KMT2E: variants seen among roughly 807,000 people sequenced by gnomAD.
KMT2E encodes lysine methyltransferase 2E (inactive), also known as histone reader KMT2E.
KMT2E carries 30 observed loss-of-function variants against 184.6 expected under a neutral mutation model. The ratio of observed to expected loss-of-function variants is 0.16; its 90% CI spans 0.12 to 0.22. The LOEUF (loss-of-function observed/expected upper bound fraction) is 0.22. KMT2E is among the 10% of genes least tolerant of loss of function. The pLI is 1.00. For synonymous variants in KMT2E, 815 were observed against 776.5 expected, an observed-to-expected ratio of 1.05 and a Z score of -0.82; for missense variants, 2,023 against 2,237.4, an observed-to-expected ratio of 0.90 and a Z score of 1.93.
At chr7:105,066,148 CT>C (rs754931238) in intron 5 of KMT2E, among the ~76,000 whole-genome samples, 105 of 152,114 alleles carry the variant, frequency 6.9e-4, no homozygotes, top group Non-Finnish European at 1.2e-3. Context: ...ACCAAAGCAC[CT>C]GTAAAAAATT....
chr7:105,045,876 T>C (rs969978887), intron 3 of KMT2E, among the ~76,000 whole-genome samples: 3 of 152,214 alleles, frequency 2.0e-5, no homozygotes, highest in Non-Finnish European at 2.9e-5. Flanking sequence ...TCGATCTCTT[T>C]TTTCCATCTG....
chr7:105,083,220 T>A (rs887507566), intron 13 of KMT2E, among the ~76,000 whole-genome samples: 2 of 152,224 alleles, frequency 1.3e-5, no homozygotes, highest in Non-Finnish European at 2.9e-5. Flanking sequence ...GATGGTATAA[T>A]CCTTCCAGAC....
chr7:105,015,389 G>T (rs1336702868), intron 1 of KMT2E, among the ~76,000 whole-genome samples: 1 of 152,134 alleles, frequency 6.6e-6, no homozygotes, highest in Non-Finnish European at 1.5e-5. Context: ...CGTCCTTGCT[G>T]GGCTCTGTCT....
rs1798983164 is a variant in KMT2E at position 105,107,889 on chromosome 7, G to A, written c.3432G>A (p.Gly1144=). 2.5e-6 allele frequency: 4 copies of A among 1,613,014 alleles called. No individual in the cohort carries two copies. The highest frequency in any genetic ancestry group is 1.3e-5 in the African/African-American group (1 of 74,654). The change falls in exon 22 of 27, where the codon GGG becomes GGA. Residue 1144 remains glycine (G), a synonymous_variant. Coordinates refer to ENST00000311117, the MANE Select transcript of KMT2E (RefSeq NM_182931.3). ...GRTVNDNLID[G]NCTPQNPPQK... ...CTGTTAATGACAATTTGATCGACGG[G>A]AATTGCACACCCCAGAATCCACCAC...
chr7:105,070,210 A>G (rs1166344152), intron 6 of KMT2E, among the ~76,000 whole-genome samples: 1 of 152,030 alleles, frequency 6.6e-6, no homozygotes, highest in East Asian at 1.9e-4. Context: ...GCCCAAGAGA[A>G]CAGCAGCTTG....
Position 105,088,500 on chromosome 7 carries a change from T to A in KMT2E, c.1359-1509T>A, listed in dbSNP as rs376095960. 3.3e-5 allele frequency among the ~76,000 whole-genome samples: 5 copies of A among 152,358 alleles called. No homozygotes were observed. In the East Asian group the frequency reaches 9.6e-4, roughly 29 times the overall value. ...TATTAGACACTTAATAAGTAAATTG[T>A]TCTTATTGTGAACAAACATTCAACT... On this transcript the variant is annotated intron_variant, in intron 13 of 26. Transcript: ENST00000311117.
In KMT2E at chr7:105,107,962, T is replaced by TG; in HGVS notation, c.3468+37_3468+38insG. The TG allele has an allele frequency of 3.5e-6, 4 of 1,136,080 alleles. No individual in the cohort carries two copies. The South Asian group carries it at 7.2e-5, about 21-fold the overall frequency. 70.4% of individuals were successfully genotyped at this position (1,136,080 alleles called of 1,614,324 possible). On this transcript the variant is annotated intron_variant, in intron 22 of 26. Coordinates refer to ENST00000311117, the MANE Select transcript of KMT2E (RefSeq NM_182931.3). ...AACAATTTATAGTCCTTTTAATAGTTTTTTTTTTTTTTTCATAATACTACT... is the reference window on the plus strand; with the variant it reads ...AACAATTTATAGTCCTTTTAATAGTTGTTTTTTTTTTTTTCATAATACTACT...
At chr7:105,043,337 T>C (rs899434112) in intron 3 of KMT2E, among the ~76,000 whole-genome samples, 8 of 150,330 alleles carry the variant, frequency 5.3e-5, no homozygotes, top group African/African-American at 7.3e-5. Flanking sequence ...CCCGGGTTCA[T>C]GCCATTCTCC....
rs779469744 is a variant in KMT2E, at chr7:105,066,760, T to A, written c.450T>A (p.Asp150Glu). Residue 150 changes from aspartate (D) to glutamate (E), a missense_variant, in exon 6 of 27, where the codon GAT becomes GAA. By Grantham distance (45) the Asp-to-Glu change is conservative. Coordinates refer to ENST00000311117, the MANE Select transcript of KMT2E (RefSeq NM_182931.3). ...VWQHIDCMGI[D>E]RQHIPDTYLC... is the part of the protein sequence containing the mutation. ...AACATATTGACTGCATGGGGATTGA[T>A]AGGCAGCATATTCCTGATACATATC... 1 of 1,613,082 alleles carries A rather than the reference T, an allele frequency of 6.2e-7. No homozygotes were observed. The highest frequency in any genetic ancestry group is 2.2e-5 in the East Asian group (1 of 44,852).
intron 22 of KMT2E, 24 bp from the exon 23 acceptor site, chr7:105,108,918 T>C: frequency 6.4e-7 from 1 of 1,565,302 alleles, no homozygotes. Flanking sequence ...AAAGATTTGC[T>C]TTTTCTCATC....
At chr7:105,083,655 C>T (rs1797846257) in intron 13 of KMT2E, among the ~76,000 whole-genome samples, 1 of 152,130 alleles carries the variant, frequency 6.6e-6, no homozygotes, top group African/African-American at 2.4e-5. Flanking sequence ...TTAATCTGTC[C>T]CTTCCTGCCT....
chr7:105,079,079 T>G (rs1236017065), intron 12 of KMT2E, 116 bp downstream of exon 12: 1 of 612,576 alleles, frequency 1.6e-6, no homozygotes, highest in East Asian at 2.7e-5. Flanking sequence ...GTTGGTGCAT[T>G]TTATACTGCC....
chr7:105,058,492 A>C (rs1279933348), intron 3 of KMT2E, among the ~76,000 whole-genome samples: 1 of 152,072 alleles, frequency 6.6e-6, no homozygotes, highest in African/African-American at 2.4e-5. Flanking sequence ...TTCCTTCTGC[A>C]TTTTTTAGCT....
chr7:105,054,446 CTCTG>C (rs879904154), intron 3 of KMT2E, among the ~76,000 whole-genome samples: 13,034 of 107,494 alleles, frequency 0.12, 953 homozygotes, highest in East Asian at 0.42. Context: ...AAGCAAGTTG[CTCTG>C]TCTGTCTGTC....
chr7:105,075,108 T>G lies in KMT2E; in HGVS notation c.729+293T>G, dbSNP rs115515202. Among the ~76,000 whole-genome samples, 560 of 152,126 alleles carry G rather than the reference T, an allele frequency of 3.7e-3. 3 individuals carry two copies. Among genetic ancestry groups the G allele is most frequent in the African/African-American group, 0.013 (531 of 41,536 alleles). On this transcript the variant is annotated intron_variant, in intron 8 of 26. Transcript: ENST00000311117. ...TTCATAGTTTTCTGTACTACCAGGA[T>G]TGTATTCCTTTCACTTGTCTGTCTG...
At chr7:105,102,303 T>C in intron 17 of KMT2E, 109 bp downstream of exon 17, 1 of 813,940 alleles carries the variant, frequency 1.2e-6, no homozygotes, top group Non-Finnish European at 1.8e-6. Context: ...AAGAGGCAGT[T>C]TTTATACTTG....
At chr7:105,109,689 C>T (rs376100524) in intron 23 of KMT2E, among the ~76,000 whole-genome samples, 1 of 152,110 alleles carries the variant, frequency 6.6e-6, no homozygotes, top group Admixed American at 6.5e-5. Flanking sequence ...GTTTTGGTAC[C>T]TTTGGTAACC....
chr7:105,092,308 G>C (rs1798239049), intron 15 of KMT2E, among the ~76,000 whole-genome samples: 1 of 152,126 alleles, frequency 6.6e-6, no homozygotes, highest in Admixed American at 6.6e-5. Context: ...AGGCTGAGGT[G>C]GAAGAATTGC....
At position 105,110,488 on chromosome 7, in the gene KMT2E, C is replaced by T. The variant is rs1799178091; in HGVS notation, c.3856C>T (p.Pro1286Ser). 6.2e-7 allele frequency: 1 copy of T among 1,614,152 alleles called. No individual in the cohort carries two copies. Among genetic ancestry groups the T allele is most frequent in the East Asian group, 2.2e-5 (1 of 44,884 alleles). Residue 1286 changes from proline to serine, a missense_variant, in exon 25 of 27, where the codon CCA becomes TCA. Physicochemically the swap from Pro to Ser is moderately conservative, Grantham distance 74. Around this residue, in one of 8 missense-constraint regions of KMT2E, gnomAD observed 1,108 missense variants for 1,050.9 expected, o/e 1.05. Transcript: ENST00000311117. The part of the protein sequence containing the change: ...RKDKDSGGES[P>S]CVSCSPSHVQ... ...TGCTTCATCTCTAGGGGGAGAATCA[C>T]CATGTGTCTCATGTTCACCGAGTCA...
Sources: gnomAD v4.1 joint callset for allele counts (sites outside exome capture counted in the v4.1 genomes callset) on GRCh38, gnomAD v4.1.1 for gene constraint, gnomAD v4.1.1 regional missense constraint, MANE v1.5 for transcripts, NCBI Gene and HGNC (gene_info 2026-07-23, HGNC 2026-07-21) for gene names.